The following HECW1 variants were observed in gnomAD, a reference collection of about 807,000 sequenced individuals.
The protein encoded by HECW1 is HECT, C2 and WW domain containing E3 ubiquitin protein ligase 1.
A neutral mutation model predicts 182.3 loss-of-function variants in HECW1; 61 were observed. The ratio of observed to expected loss-of-function variants is 0.33; its 90% CI spans 0.27 to 0.41. The LOEUF is 0.41. HECW1 is among the 10% of genes least tolerant of loss of function. The pLI is 1.00. For synonymous variants in HECW1, 859 were observed against 832.6 expected (o/e 1.03, Z -0.55); for missense variants, 1,739 against 2,108.9 (o/e 0.82, Z 3.44).
chr7:43,207,444 T>A (rs192831345), intron 2 of HECW1, among the ~76,000 whole-genome samples: 26 of 152,326 alleles, frequency 1.7e-4, no homozygotes, highest in Non-Finnish European at 3.4e-4. Context: ...ATTTGCCATC[T>A]CAAACATTCA....
intron 2 of HECW1, among the ~76,000 whole-genome samples, chr7:43,196,824 A>G (rs746235252): frequency 6.6e-6 from 1 of 152,218 alleles, no homozygotes; most frequent in Non-Finnish European, 1.5e-5. Flanking sequence ...ATGAAGAATA[A>G]TTTGTAATAT....
intron 2 of HECW1, among the ~76,000 whole-genome samples, chr7:43,241,784 A>G (rs745886567): frequency 2.0e-5 from 3 of 152,096 alleles, no homozygotes; most frequent in Non-Finnish European, 2.9e-5. Flanking sequence ...TGCAAGATAG[A>G]CATTAAACAA....
intron 16 of HECW1, among the ~76,000 whole-genome samples, chr7:43,470,134 T>C (rs2077958876): frequency 6.6e-6 from 1 of 152,220 alleles, no homozygotes; most frequent in South Asian, 2.1e-4. Flanking sequence ...AAAGTCACTG[T>C]AGCCAGGATC....
At chr7:43,503,766 A>G (rs1218364318) in intron 21 of HECW1, among the ~76,000 whole-genome samples, 1 of 152,222 alleles carries the variant, frequency 6.6e-6, no homozygotes, top group Non-Finnish European at 1.5e-5. Flanking sequence ...GTACTCTGTA[A>G]AGCAGAAATT....
chr7:43,437,434 G>A (rs1242060687), intron 8 of HECW1, among the ~76,000 whole-genome samples: 4 of 152,042 alleles, frequency 2.6e-5, no homozygotes, highest in Non-Finnish European at 4.4e-5. Context: ...TAATCCAGAA[G>A]GAAAATCTCT....
chr7:43,202,572 C>G (rs929698600), intron 2 of HECW1, among the ~76,000 whole-genome samples: 2 of 151,554 alleles, frequency 1.3e-5, no homozygotes, highest in Non-Finnish European at 2.9e-5. Flanking sequence ...CTCCCGGGTT[C>G]AAGCGATTAT....
At position 43,447,743 on chromosome 7, in the gene HECW1, G is replaced by A. The variant is rs763957426; in HGVS notation, c.2398+2173G>A. 5.3e-5 allele frequency among the ~76,000 whole-genome samples: 8 copies of A among 152,184 alleles called. No homozygotes were observed. In the East Asian group the frequency reaches 5.8e-4, roughly 11 times the overall value. On this transcript the variant is annotated intron_variant, in intron 11 of 29. Transcript: ENST00000395891. ...GGCTTTAACATGACCTGCCTGATAC[G>A]TGATTGTGTGGGTGACCTCTGCTTC...
At chr7:43,163,197 C>T (rs1039634504) in intron 2 of HECW1, 4 of 152,298 alleles carry the variant, frequency 2.6e-5, no homozygotes, top group African/African-American at 9.6e-5. Flanking sequence ...CACCAGGCTT[C>T]TTGAACAATT....
Position 43,228,893 on chromosome 7 carries a change from A to C in HECW1, c.-31-14982A>C, listed in dbSNP as rs552046432. ...TTGCGTATACAATATGTCTTAAGAC[A>C]AAAGAAAAGGAAAAACAAATGACAA... On this transcript the variant is annotated intron_variant, in intron 2 of 29. Coordinates refer to ENST00000395891, the MANE Select transcript of HECW1 (RefSeq NM_015052.5). 6.8e-4 allele frequency among the ~76,000 whole-genome samples: 103 copies of C among 152,366 alleles called. 1 individual carries two copies. In the Middle Eastern group the frequency reaches 0.02, roughly 30 times the overall value.
At chr7:43,514,955 G>A (rs2080073949) in intron 24 of HECW1, among the ~76,000 whole-genome samples, 1 of 152,132 alleles carries the variant, frequency 6.6e-6, no homozygotes, top group South Asian at 2.1e-4. Flanking sequence ...TCTATCATCA[G>A]GATCTAGCCC....
At chr7:43,316,226 G>A (rs1343677090) in intron 4 of HECW1, among the ~76,000 whole-genome samples, 1 of 152,150 alleles carries the variant, frequency 6.6e-6, no homozygotes, top group African/African-American at 2.4e-5. Context: ...CTACACACCA[G>A]AAGAAATGCA....
chr7:43,401,567 GTTT>G (rs10574466), intron 7 of HECW1, among the ~76,000 whole-genome samples: 1,880 of 123,192 alleles, frequency 0.015, 51 homozygotes, highest in African/African-American at 0.051. Context: ...ATTTAAAAAG[GTTT>G]TTTTTTTTTT....
intron 3 of HECW1, among the ~76,000 whole-genome samples, chr7:43,308,749 G>C (rs911911097): frequency 1.8e-4 from 27 of 151,860 alleles, no homozygotes; most frequent in Admixed American, 3.3e-4. Context: ...AACCTCCCAA[G>C]TAGCTGGGAT....
At chr7:43,242,843 G>A (rs1799010565) in intron 2 of HECW1, among the ~76,000 whole-genome samples, 4 of 152,156 alleles carry the variant, frequency 2.6e-5, no homozygotes, top group South Asian at 2.1e-4. Context: ...GGTGCTGCAC[G>A]GTGTGCGTCA....
chr7:43,162,063 A>G (rs902018351), intron 2 of HECW1, among the ~76,000 whole-genome samples: 38 of 152,390 alleles, frequency 2.5e-4, no homozygotes, highest in African/African-American at 9.1e-4. Flanking sequence ...AATGAACACC[A>G]TAAACAATTG....
intron 9 of HECW1, among the ~76,000 whole-genome samples, chr7:43,442,178 G>A (rs1220998933): frequency 6.6e-6 from 1 of 152,170 alleles, no homozygotes; most frequent in East Asian, 1.9e-4. Context: ...TTATAAAATA[G>A]TTTTGTTTTT....
At chr7:43,130,730 A>G (rs1786821111) in intron 2 of HECW1, among the ~76,000 whole-genome samples, 1 of 152,210 alleles carries the variant, frequency 6.6e-6, no homozygotes, top group Admixed American at 6.5e-5. Flanking sequence ...TGTGGTGCAC[A>G]TGAATTTTGA....
intron 11 of HECW1, among the ~76,000 whole-genome samples, chr7:43,448,453 T>C (rs2077131813): frequency 6.6e-6 from 1 of 152,196 alleles, no homozygotes; most frequent in African/African-American, 2.4e-5. Flanking sequence ...CTCCTCCCAC[T>C]TCCTCACCAA....
intron 2 of HECW1, among the ~76,000 whole-genome samples, chr7:43,235,414 A>G (rs938637165): frequency 3.3e-5 from 5 of 152,228 alleles, no homozygotes; most frequent in African/African-American, 1.2e-4. Flanking sequence ...GGAATAAGGG[A>G]CTATTATTCT....
Sources: gnomAD v4.1 joint callset for allele counts (sites outside exome capture counted in the v4.1 genomes callset) on GRCh38, gnomAD v4.1.1 for gene constraint, MANE v1.5 for transcripts, NCBI Gene and HGNC (gene_info 2026-07-23, HGNC 2026-07-21) for gene names.